LMNTD1: variants seen among roughly 807,000 people sequenced by gnomAD.
LMNTD1 encodes the protein lamin tail domain containing 1.
In LMNTD1, 35 loss-of-function variants were observed where a neutral mutation model predicts 50.9. The observed-to-expected ratio is 0.69, with a 90% CI of 0.53 to 0.91. The LOEUF is 0.91. LMNTD1 is among the 40% of genes least tolerant of loss of function. The pLI is 0.00. For synonymous variants in LMNTD1, 153 were observed against 161.9 expected (o/e 0.94, Z 0.42); for missense variants, 470 against 475.5 (o/e 0.99, Z 0.11).
In LMNTD1 at chr12:25,634,516, A is replaced by G. The variant is rs148714938; in HGVS notation, c.58+13978T>C. Among the ~76,000 whole-genome samples the G allele has an allele frequency of 3.5e-3, 531 of 152,326 alleles. 2 individuals carry two copies. The highest frequency in any genetic ancestry group is 0.012 in the African/African-American group (491 of 41,568). Reference sequence around the variant, plus strand: ...TGGGCTTCATACTAGGGATGCAGGGATGGTTTAACAGACGCAAGTCAGTAA... The same window carrying G: ...TGGGCTTCATACTAGGGATGCAGGGGTGGTTTAACAGACGCAAGTCAGTAA... On this transcript the variant is annotated intron_variant, in intron 1 of 7. Transcript: ENST00000445693.
At chr12:25,515,912 C>A (rs1400428498) in intron 8 of LMNTD1, among the ~76,000 whole-genome samples, 1 of 150,672 alleles carries the variant, frequency 6.6e-6, no homozygotes, top group Admixed American at 6.7e-5. Context: ...TAAACAACTT[C>A]CAAGTATAAT....
intron 1 of LMNTD1, among the ~76,000 whole-genome samples, chr12:25,645,917 G>A (rs1046902981): frequency 6.6e-6 from 1 of 152,102 alleles, no homozygotes; most frequent in Non-Finnish European, 1.5e-5. Flanking sequence ...GGTAGTTTTG[G>A]AGTCACTTTG....
intron 1 of LMNTD1, among the ~76,000 whole-genome samples, chr12:25,561,736 TG>T (rs1221146666): frequency 1.3e-5 from 2 of 152,200 alleles, no homozygotes; most frequent in South Asian, 2.1e-4. Context: ...ATGTTGGCAG[TG>T]GGGTGTTAAA....
chr12:25,493,014 C>G (rs1938935986), intron 9 of LMNTD1, among the ~76,000 whole-genome samples: 1 of 152,146 alleles, frequency 6.6e-6, no homozygotes, highest in Non-Finnish European at 1.5e-5. Flanking sequence ...TTCCTTTTCT[C>G]CATTAGCCTG....
chr12:25,581,555 T>A (rs996757094), intron 1 of LMNTD1, among the ~76,000 whole-genome samples: 1 of 135,010 alleles, frequency 7.4e-6, no homozygotes, highest in Non-Finnish European at 1.6e-5. Flanking sequence ...TTAAACTTTA[T>A]CATCATAGGT....
At chr12:25,517,861 C>G (rs951770175) in intron 8 of LMNTD1, among the ~76,000 whole-genome samples, 1 of 151,950 alleles carries the variant, frequency 6.6e-6, no homozygotes, top group Non-Finnish European at 1.5e-5. Flanking sequence ...CAGTGATGTG[C>G]TAGCATATTA....
chr12:25,557,905 A>G (rs981376070), upstream of LMNTD1, among the ~76,000 whole-genome samples: 1 of 152,248 alleles, frequency 6.6e-6, no homozygotes, highest in Non-Finnish European at 1.5e-5. Flanking sequence ...CCTGTAACAC[A>G]TTATTGGAGA....
chr12:25,598,655 G>T (rs11048121), intron 1 of LMNTD1, among the ~76,000 whole-genome samples: 74,177 of 151,192 alleles, frequency 0.49, 21,677 homozygotes, highest in Non-Finnish European at 0.67. Flanking sequence ...AGTCAGAGAT[G>T]AAAAAGGAGA....
chr12:25,541,848 C>T (rs1258461166), intron 4 of LMNTD1, among the ~76,000 whole-genome samples: 10 of 144,156 alleles, frequency 6.9e-5, no homozygotes, highest in African/African-American at 1.0e-4. Context: ...TATCCAGAAT[C>T]TACAATGAAC....
chr12:25,480,480 G>A (rs930702446), intron 9 of LMNTD1, among the ~76,000 whole-genome samples: 3 of 152,130 alleles, frequency 2.0e-5, no homozygotes, highest in Non-Finnish European at 2.9e-5. Context: ...GATGCAAGGC[G>A]GCTCCTGATC....
In LMNTD1 at chr12:25,508,629, A is replaced by G. The variant is rs116036150; in HGVS notation, c.1190-4829T>C. On this transcript the variant is annotated intron_variant, in intron 8 of 9. Transcript: ENST00000458174. The stretch of plus-strand genomic sequence containing the variant: ...GGTGCACATATGTATATATTTGTTA[A>G]ATATATATAGTTCTTGGGAATGAAA... Among the ~76,000 whole-genome samples the G allele has an allele frequency of 3.7e-3, 556 of 152,232 alleles. 4 individuals are homozygous for G. The highest frequency in any genetic ancestry group is 0.013 in the African/African-American group (541 of 41,550).
chr12:25,600,312 G>A (rs992515933), intron 1 of LMNTD1, among the ~76,000 whole-genome samples: 3 of 151,930 alleles, frequency 2.0e-5, no homozygotes, highest in African/African-American at 7.2e-5. Context: ...ATGAATTACG[G>A]ACTTAAATCT....
chr12:25,529,984 G>A (rs1942107842), intron 4 of LMNTD1, among the ~76,000 whole-genome samples: 1 of 151,936 alleles, frequency 6.6e-6, no homozygotes, highest in Non-Finnish European at 1.5e-5. Flanking sequence ...TCCTCTTCTT[G>A]TTTCCCATGT....
At chr12:25,547,472 C>G (rs1412097628) in intron 3 of LMNTD1, 1 of 151,606 alleles carries the variant, frequency 6.6e-6, no homozygotes, top group Non-Finnish European at 1.5e-5. Flanking sequence ...GCTATTATTA[C>G]AGTACAGAGT....
At chr12:25,563,604 G>A (rs1944427265) in intron 1 of LMNTD1, among the ~76,000 whole-genome samples, 1 of 152,228 alleles carries the variant, frequency 6.6e-6, no homozygotes, top group African/African-American at 2.4e-5. Context: ...GGACCCACTT[G>A]AGGAGGGAGT....
At chr12:25,585,309 T>C (rs1049224406) in intron 1 of LMNTD1, among the ~76,000 whole-genome samples, 1 of 152,210 alleles carries the variant, frequency 6.6e-6, no homozygotes, top group African/African-American at 2.4e-5. Context: ...TACTATGGAC[T>C]TGGGCTGCAA....
Position 25,622,463 on chromosome 12 carries a change from G to GCCCCCCCC in LMNTD1, c.58+26030_58+26031insGGGGGGGG, listed in dbSNP as rs199777995. Among the ~76,000 whole-genome samples the GCCCCCCCC allele has an allele frequency of 1.7e-4, 19 of 111,146 alleles. 1 individual carries two copies. The highest frequency in any genetic ancestry group is 2.6e-4 in the Non-Finnish European group (13 of 49,470). The allele number at this position is 111,146 out of a possible 152,430, so 72.9% of individuals were successfully genotyped here. A position where few individuals can be genotyped will look rare whatever the true frequency, so the allele number is the denominator to read the frequency against. ...GTTGCCCTTGACCTTGAGTTTGTGA[G>GCCCCCCCC]CCCGCCCCCCCCCGCAAAATAATAT... is the stretch of plus-strand genomic sequence containing the variant. On this transcript the variant is annotated intron_variant, in intron 1 of 7. Transcript: ENST00000445693.
At chr12:25,551,059 C>A (rs1943716611) in intron 2 of LMNTD1, among the ~76,000 whole-genome samples, 1 of 152,200 alleles carries the variant, frequency 6.6e-6, no homozygotes, top group Non-Finnish European at 1.5e-5. Context: ...TGTCAGATTA[C>A]AGATATTTCA....
intron 4 of LMNTD1, among the ~76,000 whole-genome samples, chr12:25,529,019 G>A (rs1273219258): frequency 6.6e-6 from 1 of 152,092 alleles, no homozygotes; most frequent in Admixed American, 6.6e-5. Flanking sequence ...GCCTCTGCTG[G>A]AGACCCAGAT....
Sources: gnomAD v4.1 joint callset for allele counts (sites outside exome capture counted in the v4.1 genomes callset) on GRCh38, gnomAD v4.1.1 for gene constraint, MANE v1.5 for transcripts, NCBI Gene and HGNC (gene_info 2026-07-23, HGNC 2026-07-21) for gene names.